CENPH: variants seen among roughly 807,000 people sequenced by gnomAD.
CENPH encodes CENP-H.
A neutral mutation model predicts 42.9 loss-of-function variants in CENPH; 40 were observed. The observed-to-expected ratio is 0.93, with a 90% CI of 0.72 to 1.21. The LOEUF (loss-of-function observed/expected upper bound fraction) is 1.21, where lower values mean the gene tolerates loss of function less well. CENPH is among the 50% of genes most tolerant of loss of function. CENPH has a pLI of 0.00. For missense variants in CENPH, 302 were observed against 292.9 expected, an observed-to-expected ratio of 1.03 and a Z score of -0.23; for synonymous variants, 88 against 96.5, an observed-to-expected ratio of 0.91 and a Z score of 0.52.
At chr5:69,202,219 T>G (rs1352353058) in intron 5 of CENPH, among the ~76,000 whole-genome samples, 5 of 152,236 alleles carry the variant, frequency 3.3e-5, no homozygotes, top group Non-Finnish European at 7.3e-5. Context: ...GGGTGTTTCC[T>G]CTCTAAATAT....
intron 7 of CENPH, among the ~76,000 whole-genome samples, chr5:69,206,162 T>G (rs1258540173): frequency 6.6e-6 from 1 of 150,908 alleles, no homozygotes; most frequent in Admixed American, 6.6e-5. Flanking sequence ...TGTGATCCAC[T>G]GTGCCTGGCC....
At chr5:69,209,595 A>G in intron 8 of CENPH, 112 bp from the exon 9 acceptor site, 1 of 599,072 alleles carries the variant, frequency 1.7e-6, no homozygotes. Flanking sequence ...TCACAGAGCT[A>G]CACATGTAGT....
intron 5 of CENPH, among the ~76,000 whole-genome samples, chr5:69,198,669 A>T (rs972556468): frequency 1.7e-4 from 26 of 152,330 alleles, no homozygotes; most frequent in African/African-American, 6.0e-4. Flanking sequence ...ACAGAGGCTC[A>T]TGCCTGTAAT....
intron 5 of CENPH, among the ~76,000 whole-genome samples, chr5:69,200,942 T>C (rs1294487555): frequency 1.3e-5 from 2 of 151,616 alleles, no homozygotes; most frequent in Non-Finnish European, 2.9e-5. Flanking sequence ...TTTGCCATGT[T>C]GGCCAGGCTA....
chr5:69,206,103 G>C (rs1399043082), intron 7 of CENPH, among the ~76,000 whole-genome samples: 1 of 151,854 alleles, frequency 6.6e-6, no homozygotes, highest in Non-Finnish European at 1.5e-5. Flanking sequence ...GGGCTCAAGT[G>C]ATCTGCCCAC....
chr5:69,195,845 G>C (rs1747954191), intron 4 of CENPH, 54 bp downstream of exon 4: 2 of 847,206 alleles, frequency 2.4e-6, no homozygotes, highest in Non-Finnish European at 3.9e-6. Context: ...AAATGGGTAT[G>C]AGGGGAAAGT....
At chr5:69,194,558 T>A in intron 2 of CENPH, 89 bp from the exon 3 acceptor site, 1 of 667,148 alleles carries the variant, frequency 1.5e-6, no homozygotes, top group Non-Finnish European at 2.6e-6. Flanking sequence ...TTTTAAATGA[T>A]GTCTTTTGCC....
chr5:69,204,250 A>AT (rs1748110949), intron 7 of CENPH, among the ~76,000 whole-genome samples: 1 of 150,596 alleles, frequency 6.6e-6, no homozygotes, highest in Non-Finnish European at 1.5e-5. Flanking sequence ...GAAAAGTTAA[A>AT]TTTTTTTTAT....
intron 7 of CENPH, 52 bp downstream of exon 7, chr5:69,203,022 T>A: frequency 8.2e-7 from 1 of 1,218,562 alleles, no homozygotes; most frequent in South Asian, 1.3e-5. Flanking sequence ...ACTTTATAGA[T>A]TGATAAGGCC....
intron 5 of CENPH, among the ~76,000 whole-genome samples, chr5:69,198,618 A>G (rs1748006600): frequency 6.6e-6 from 1 of 152,124 alleles, no homozygotes; most frequent in African/African-American, 2.4e-5. Flanking sequence ...TTGAACACTC[A>G]TAACTTTTTC....
At chr5:69,195,567 G>T in intron 3 of CENPH, 150 bp from the exon 4 acceptor site, 1 of 579,194 alleles carries the variant, frequency 1.7e-6, no homozygotes, top group East Asian at 3.1e-5. Flanking sequence ...TTTACCAAAT[G>T]TGTAAATACA....
At chr5:69,203,139 T>C (rs1748084830) in intron 7 of CENPH, among the ~76,000 whole-genome samples, 169 bp downstream of exon 7, 1 of 152,210 alleles carries the variant, frequency 6.6e-6, no homozygotes, top group African/African-American at 2.4e-5. Context: ...TTGTTCTGTT[T>C]ATTCTCATTG....
At chr5:69,192,034 T>C (rs1747880395) in intron 2 of CENPH, among the ~76,000 whole-genome samples, 184 bp downstream of exon 2, 1 of 152,184 alleles carries the variant, frequency 6.6e-6, no homozygotes, top group Non-Finnish European at 1.5e-5. Flanking sequence ...CACAGGCACA[T>C]GCTACTGCGC....
At chr5:69,199,896 T>C (rs1748030079) in intron 5 of CENPH, among the ~76,000 whole-genome samples, 1 of 152,090 alleles carries the variant, frequency 6.6e-6, no homozygotes, top group Non-Finnish European at 1.5e-5. Context: ...GCGGATCGTC[T>C]GAGATCAGAA....
intron 2 of CENPH, among the ~76,000 whole-genome samples, chr5:69,192,107 T>C (rs1747882510): frequency 6.6e-6 from 1 of 152,148 alleles, no homozygotes; most frequent in Admixed American, 6.5e-5. Context: ...TGGCCTCAAA[T>C]AAGATTTTGT....
intron 5 of CENPH, among the ~76,000 whole-genome samples, chr5:69,200,112 C>CA (rs373894870): frequency 0.037 from 1,858 of 50,396 alleles, 33 homozygotes; most frequent in East Asian, 0.1. Flanking sequence ...GACTCTGTCT[C>CA]AAAAAAAAAA....
chr5:69,198,722 C>T (rs947604894), intron 5 of CENPH, among the ~76,000 whole-genome samples: 5 of 152,174 alleles, frequency 3.3e-5, no homozygotes, highest in African/African-American at 4.8e-5. Flanking sequence ...AGCTTGAGCC[C>T]AGGCATTTGA....
intron 7 of CENPH, among the ~76,000 whole-genome samples, chr5:69,207,230 C>T (rs1748174972): frequency 6.6e-6 from 1 of 151,678 alleles, no homozygotes; most frequent in Non-Finnish European, 1.5e-5. Context: ...ACTCTTGTTG[C>T]CCAGGCTGGA....
At chr5:69,204,935 T>TTTTTTTG (rs1207437017) in intron 7 of CENPH, among the ~76,000 whole-genome samples, 2 of 134,528 alleles carry the variant, frequency 1.5e-5, no homozygotes, top group East Asian at 2.3e-4. Context: ...TTTTTTTTTT[T>TTTTTTTG]TGAGATGGAG....
Sources: allele counts gnomAD v4.1 joint callset (sites outside exome capture counted in the v4.1 genomes callset), GRCh38; gene constraint gnomAD v4.1.1; transcripts MANE v1.5; gene names NCBI Gene and HGNC (gene_info 2026-07-23, HGNC 2026-07-21).